CLUAP1: variants seen among roughly 807,000 people sequenced by gnomAD.
CLUAP1 encodes clusterin-associated protein 1.
In CLUAP1, 50 loss-of-function variants were observed where a neutral mutation model predicts 55.0. The observed-to-expected ratio is 0.91, with a 90% CI of 0.72 to 1.15. CLUAP1 has a LOEUF of 1.15. Ranked by LOEUF, CLUAP1 falls within the 50% of genes most tolerant of loss-of-function variation. CLUAP1 has a pLI of 0.00. For synonymous variants in CLUAP1, 195 were observed against 175.4 expected (o/e 1.11, Z -0.88); for missense variants, 530 against 507.6 (o/e 1.04, Z -0.42).
intron 4 of CLUAP1, among the ~76,000 whole-genome samples, chr16:3,511,608 C>T (rs144295796): frequency 4.6e-5 from 7 of 152,326 alleles, no homozygotes; most frequent in African/African-American, 1.7e-4. Flanking sequence ...TGTGGCCGCT[C>T]TGCTGCCGTC....
At chr16:3,501,718 C>G (rs1017155173) in intron 1 of CLUAP1, among the ~76,000 whole-genome samples, 2 of 151,542 alleles carry the variant, frequency 1.3e-5, no homozygotes. Context: ...TGCGGTGAGC[C>G]GAGATCGGGC....
At chr16:3,513,267 A>C (rs1347867166) in intron 5 of CLUAP1, among the ~76,000 whole-genome samples, 1 of 152,074 alleles carries the variant, frequency 6.6e-6, no homozygotes, top group African/African-American at 2.4e-5. Context: ...CTCCCGGGTG[A>C]TTCTAACAGC....
chr16:3,524,665 C>T (rs1388075232), intron 8 of CLUAP1, among the ~76,000 whole-genome samples: 3 of 149,206 alleles, frequency 2.0e-5, no homozygotes, highest in African/African-American at 7.4e-5. Context: ...ACCAGAATAG[C>T]TCATTGGAGA....
Position 3,508,462 on chromosome 16 carries a change from C to G in CLUAP1, c.393C>G (p.Gly131=). 2.5e-6 allele frequency: 4 copies of G among 1,570,928 alleles called. No individual in the cohort carries two copies. Among genetic ancestry groups the G allele is most frequent in the Non-Finnish European group, 3.4e-6 (4 of 1,167,530 alleles). The change falls in exon 4 of 12, where the codon GGC becomes GGG. Residue 131 remains glycine, a synonymous_variant. Transcript: ENST00000576634. The part of the protein sequence containing the change: ...EDVNKFKFDL[G]SKIADLKAAR... ...TCAACAAGTTCAAGTTTGATCTTGGCTCAAAGGTAAGGACAACAAAAGCCT... is the reference window on the plus strand; with the variant it reads ...TCAACAAGTTCAAGTTTGATCTTGGGTCAAAGGTAAGGACAACAAAAGCCT...
intron 1 of CLUAP1, chr16:3,502,094 A>AG (rs898351741): frequency 2.8e-4 from 42 of 152,520 alleles, no homozygotes; most frequent in African/African-American, 9.6e-4. Context: ...GGTAAGGAGA[A>AG]GGGAGCTCGA....
intron 5 of CLUAP1, 175 bp from the exon 6 acceptor site, chr16:3,515,333 C>CACT (rs2037709789): frequency 2.0e-6 from 1 of 510,904 alleles, no homozygotes; most frequent in Non-Finnish European, 3.4e-6. Flanking sequence ...GCTGGGTAGG[C>CACT]ACTCAGATAA....
At chr16:3,498,173 GGAA>G (rs1185706212), upstream of CLUAP1, among the ~76,000 whole-genome samples, 3 of 152,054 alleles carry the variant, frequency 2.0e-5, no homozygotes, top group Non-Finnish European at 4.4e-5. Context: ...CAAGGGCACG[GGAA>G]GAAGGATGTC....
rs1312525023 is a variant in CLUAP1 at position 3,529,612 on chromosome 16, TA to T, written c.929-955del. ...ATATATTATTATATATTATATATTA[TA>T]TAATATTATATATTATATATTATTA... On this transcript the variant is annotated intron_variant, in intron 9 of 11. Coordinates refer to ENST00000576634, the MANE Select transcript of CLUAP1 (RefSeq NM_015041.3). Among the ~76,000 whole-genome samples, 123 of 36,848 alleles carry T rather than the reference TA, an allele frequency of 3.3e-3. 2 individuals carry two copies. Among genetic ancestry groups the T allele is most frequent in the African/African-American group, 0.012 (85 of 7,212 alleles). The allele number at this position is 36,848 out of a possible 152,430, so 24.2% of individuals were successfully genotyped here. A position where few individuals can be genotyped will look rare whatever the true frequency, so the allele number is the denominator to read the frequency against.
At chr16:3,522,620 T>C (rs2151059830) in intron 7 of CLUAP1, among the ~76,000 whole-genome samples, 1 of 152,240 alleles carries the variant, frequency 6.6e-6, no homozygotes, top group East Asian at 1.9e-4. Context: ...CAGAGGATCC[T>C]CACTCACTGC....
upstream of CLUAP1, chr16:3,496,539 G>T: frequency 1.8e-6 from 1 of 555,330 alleles, no homozygotes; most frequent in Non-Finnish European, 3.5e-6. Context: ...GCCCACAGCG[G>T]CATCCTCAGG....
intron 6 of CLUAP1, among the ~76,000 whole-genome samples, 162 bp downstream of exon 6, chr16:3,515,753 A>G (rs2037718471): frequency 6.6e-6 from 1 of 152,218 alleles, no homozygotes; most frequent in South Asian, 2.1e-4. Context: ...TAGGTCACTT[A>G]CTATCATTTT....
At chr16:3,519,351 C>T (rs1158447787) in intron 6 of CLUAP1, among the ~76,000 whole-genome samples, 2 of 152,178 alleles carry the variant, frequency 1.3e-5, no homozygotes, top group African/African-American at 2.4e-5. Context: ...GGTTTCTCCT[C>T]GTTTTTAGTC....
chr16:3,524,693 A>G (rs1293982173), intron 8 of CLUAP1, among the ~76,000 whole-genome samples: 1 of 152,102 alleles, frequency 6.6e-6, no homozygotes, highest in Non-Finnish European at 1.5e-5. Flanking sequence ...GTAAAGAGGA[A>G]TGGCAGTTTA....
At chr16:3,523,114 G>A (rs1366143243) in intron 7 of CLUAP1, 44 bp from the exon 8 acceptor site, 4 of 1,541,324 alleles carry the variant, frequency 2.6e-6, no homozygotes, top group Non-Finnish European at 3.5e-6. Flanking sequence ...TCAAACTACT[G>A]CATATAATTC....
intron 8 of CLUAP1, among the ~76,000 whole-genome samples, chr16:3,525,659 G>T (rs2151062899): frequency 6.6e-6 from 1 of 152,124 alleles, no homozygotes; most frequent in Admixed American, 6.5e-5. Flanking sequence ...AGACCTCTTG[G>T]GCTCAAGCGA....
At chr16:3,528,855 C>T (rs1165675611) in intron 9 of CLUAP1, among the ~76,000 whole-genome samples, 1 of 152,030 alleles carries the variant, frequency 6.6e-6, no homozygotes, top group African/African-American at 2.4e-5. Flanking sequence ...TATTATTTCC[C>T]CATTGAGTTA....
At chr16:3,533,996 A>G (rs1036199486) in intron 11 of CLUAP1, 2 of 152,210 alleles carry the variant, frequency 1.3e-5, no homozygotes, top group African/African-American at 4.8e-5. Context: ...GTTTATTTCA[A>G]GGAGGCTGTG....
intron 5 of CLUAP1, 65 bp from the exon 6 acceptor site, chr16:3,515,443 T>C: frequency 8.5e-7 from 1 of 1,170,636 alleles, no homozygotes; most frequent in East Asian, 2.4e-5. Context: ...CATCTAGATC[T>C]AGGAATACTG....
intron 6 of CLUAP1, 51 bp downstream of exon 6, chr16:3,515,642 A>G: frequency 7.8e-7 from 1 of 1,280,568 alleles, no homozygotes; most frequent in South Asian, 1.3e-5. Context: ...GGATTCAAAA[A>G]TACTGATTTC....
Sources: gnomAD v4.1 joint callset for allele counts (sites outside exome capture counted in the v4.1 genomes callset) on GRCh38, gnomAD v4.1.1 for gene constraint, MANE v1.5 for transcripts, NCBI Gene and HGNC (gene_info 2026-07-23, HGNC 2026-07-21) for gene names.